Variants in GALNTL6 observed in about 807,000 individuals in gnomAD.
GALNTL6 encodes the protein polypeptide N-acetylgalactosaminyltransferase-like 6.
A neutral mutation model predicts 73.7 loss-of-function variants in GALNTL6; 46 were observed. That is an observed-to-expected ratio of 0.62 (90% CI 0.49 to 0.80). GALNTL6 has a LOEUF of 0.80. Ranked by LOEUF, GALNTL6 falls within the 30% of genes least tolerant of loss-of-function variation. The pLI is 0.00. For missense variants in GALNTL6, 604 were observed against 755.0 expected (o/e 0.80, Z 2.34); for synonymous variants, 259 against 263.7 (o/e 0.98, Z 0.17).
chr4:172,533,070 G>A (rs1735221434), intron 5 of GALNTL6, among the ~76,000 whole-genome samples: 1 of 148,606 alleles, frequency 6.7e-6, no homozygotes, highest in Non-Finnish European at 1.5e-5. Flanking sequence ...TCAATGCAGT[G>A]GTATGATCTC....
At chr4:172,353,346 A>G (rs1221449703) in intron 5 of GALNTL6, among the ~76,000 whole-genome samples, 1 of 152,154 alleles carries the variant, frequency 6.6e-6, no homozygotes, top group Admixed American at 6.6e-5. Flanking sequence ...TGCAATAAGT[A>G]ACTTCAAAAA....
chr4:172,296,411 G>A (rs28777990), intron 3 of GALNTL6, among the ~76,000 whole-genome samples: 23,910 of 152,054 alleles, frequency 0.16, 2,066 homozygotes, highest in Middle Eastern at 0.19. Context: ...TGTGCACAAC[G>A]TGCAGGTCAG....
intron 5 of GALNTL6, among the ~76,000 whole-genome samples, chr4:172,492,041 G>A (rs2047342): frequency 0.67 from 101,531 of 151,696 alleles, 34,148 homozygotes; most frequent in South Asian, 0.82. Flanking sequence ...AGGCTATAGG[G>A]TCATAACAAT....
chr4:171,855,805 A>T, intron 2 of GALNTL6, among the ~76,000 whole-genome samples: 1 of 152,154 alleles, frequency 6.6e-6, no homozygotes, highest in East Asian at 1.9e-4. Flanking sequence ...AGCCAATTTA[A>T]TAGGTAGGTA....
At chr4:172,286,206 G>C (rs774596573) in intron 3 of GALNTL6, among the ~76,000 whole-genome samples, 3 of 152,112 alleles carry the variant, frequency 2.0e-5, no homozygotes, top group Admixed American at 1.3e-4. Context: ...ATATCTGGCT[G>C]TTCACCCCAG....
intron 3 of GALNTL6, among the ~76,000 whole-genome samples, chr4:172,295,733 C>CCA (rs1403239883): frequency 3.3e-5 from 5 of 151,090 alleles, no homozygotes; most frequent in African/African-American, 7.3e-5. Flanking sequence ...TCTACCCCTC[C>CCA]CACACACACA....
intron 8 of GALNTL6, among the ~76,000 whole-genome samples, chr4:172,888,697 T>A (rs1391021966): frequency 6.6e-6 from 1 of 152,198 alleles, no homozygotes; most frequent in Non-Finnish European, 1.5e-5. Flanking sequence ...ATGTGGTACC[T>A]CCGGCTCTGT....
intron 2 of GALNTL6, among the ~76,000 whole-genome samples, chr4:171,975,897 G>T (rs191372159): frequency 6.6e-6 from 1 of 152,034 alleles, no homozygotes; most frequent in East Asian, 1.9e-4. Context: ...TTGACTTCAT[G>T]CACAAAATGT....
At chr4:172,588,365 G>A (rs1296959114) in intron 5 of GALNTL6, among the ~76,000 whole-genome samples, 8 of 151,882 alleles carry the variant, frequency 5.3e-5, no homozygotes, top group Non-Finnish European at 8.8e-5. Flanking sequence ...AGGCCGAAGC[G>A]AGCAGATCAC....
intron 7 of GALNTL6, among the ~76,000 whole-genome samples, chr4:172,843,405 A>G (rs1743324924): frequency 6.6e-6 from 1 of 152,166 alleles, no homozygotes; most frequent in African/African-American, 2.4e-5. Context: ...CCCCTAATGA[A>G]CATGCACAAA....
At chr4:172,178,188 A>C (rs1420177585) in intron 2 of GALNTL6, among the ~76,000 whole-genome samples, 1 of 152,100 alleles carries the variant, frequency 6.6e-6, no homozygotes, top group African/African-American at 2.4e-5. Flanking sequence ...TAACTTATAA[A>C]ATTGTTATAA....
chr4:171,963,905 T>G (rs2111051715), intron 2 of GALNTL6, among the ~76,000 whole-genome samples: 1 of 152,280 alleles, frequency 6.6e-6, no homozygotes, highest in South Asian at 2.1e-4. Flanking sequence ...ATTGAAGATG[T>G]TTTATAGAAA....
chr4:172,988,832 C>T (rs999973891), intron 10 of GALNTL6, among the ~76,000 whole-genome samples: 5 of 152,256 alleles, frequency 3.3e-5, no homozygotes, highest in Non-Finnish European at 7.3e-5. Context: ...TGGCAGCTTC[C>T]ACATGGTGTT....
At chr4:172,243,547 C>T (rs1474711056) in intron 3 of GALNTL6, among the ~76,000 whole-genome samples, 1 of 152,114 alleles carries the variant, frequency 6.6e-6, no homozygotes, top group Admixed American at 6.5e-5. Flanking sequence ...ATCCTGAGAA[C>T]CTGCCACAAC....
intron 5 of GALNTL6, among the ~76,000 whole-genome samples, chr4:172,459,350 G>T (rs1332775714): frequency 1.3e-5 from 2 of 152,176 alleles, no homozygotes; most frequent in African/African-American, 4.8e-5. Flanking sequence ...CATAGTATTG[G>T]ATGTTCTGGC....
chr4:172,417,133 C>G (rs954540184), intron 5 of GALNTL6, among the ~76,000 whole-genome samples: 3 of 152,058 alleles, frequency 2.0e-5, no homozygotes, highest in Admixed American at 1.3e-4. Flanking sequence ...TGTCTAAAAA[C>G]TCGGTCATTC....
chr4:172,352,762 C>T (rs777744876), intron 5 of GALNTL6, among the ~76,000 whole-genome samples: 5 of 152,010 alleles, frequency 3.3e-5, no homozygotes, highest in Non-Finnish European at 5.9e-5. Context: ...CGAGTATGCA[C>T]ACACAAACAG....
chr4:172,670,745 T>A (rs2332545), intron 5 of GALNTL6, among the ~76,000 whole-genome samples: 146,298 of 152,264 alleles, frequency 0.96, 70,548 homozygotes, highest in Non-Finnish European at 1. Context: ...CCTAGAATGG[T>A]ATTGCCTAAG....
intron 2 of GALNTL6, among the ~76,000 whole-genome samples, chr4:172,131,511 TGC>T (rs1173663636): frequency 2.0e-5 from 3 of 148,976 alleles, no homozygotes; most frequent in African/African-American, 7.3e-5. Context: ...TATATATGTG[TGC>T]ATATATATAC....
Sources: gnomAD v4.1 joint callset for allele counts (sites outside exome capture counted in the v4.1 genomes callset) on GRCh38, gnomAD v4.1.1 for gene constraint, MANE v1.5 for transcripts, NCBI Gene and HGNC (gene_info 2026-07-23, HGNC 2026-07-21) for gene names.